Variants in NR2C2 observed in about 807,000 individuals in gnomAD.
NR2C2 encodes the protein nuclear receptor subfamily 2 group C member 2.
In NR2C2, 6 loss-of-function variants were observed where a neutral mutation model predicts 62.9. The ratio of observed to expected loss-of-function variants is 0.10; its 90% CI spans 0.05 to 0.19. The LOEUF is 0.19. NR2C2 is among the 10% of genes least tolerant of loss of function. The probability of loss-of-function intolerance (pLI) is 1.00; values close to 1 mark genes in which losing one functional copy is unlikely to be tolerated. For missense variants in NR2C2, 479 were observed against 762.7 expected, an observed-to-expected ratio of 0.63 and a Z score of 4.38; for synonymous variants, 272 against 273.8, an observed-to-expected ratio of 0.99 and a Z score of 0.07.
intron 1 of NR2C2, among the ~76,000 whole-genome samples, chr3:14,973,152 GTTCT>G (rs1371696405): frequency 1.3e-5 from 2 of 152,064 alleles, no homozygotes; most frequent in African/African-American, 2.4e-5. Context: ...TTTAATTTAT[GTTCT>G]TTCTTTTGTT....
chr3:15,006,669 G>T (rs886463628), intron 2 of NR2C2, among the ~76,000 whole-genome samples: 1 of 152,016 alleles, frequency 6.6e-6, no homozygotes, highest in African/African-American at 2.4e-5. Flanking sequence ...GGGCCTGATA[G>T]CAGTTCCCAA....
chr3:14,990,572 G>A (rs2040641246), intron 1 of NR2C2, among the ~76,000 whole-genome samples: 2 of 152,166 alleles, frequency 1.3e-5, no homozygotes, highest in South Asian at 4.1e-4. Context: ...GGGTTTGAAA[G>A]CAAATGCCTG....
chr3:14,999,629 A>G (rs907404802), intron 1 of NR2C2, among the ~76,000 whole-genome samples: 12 of 151,940 alleles, frequency 7.9e-5, no homozygotes, highest in Non-Finnish European at 1.5e-5. Flanking sequence ...TGAGAGTTTT[A>G]TAGTTTTAAC....
intron 1 of NR2C2, among the ~76,000 whole-genome samples, chr3:14,969,072 C>A (rs1293750531): frequency 1.3e-5 from 2 of 149,136 alleles, no homozygotes; most frequent in African/African-American, 5.0e-5. Flanking sequence ...ACCAGCATGG[C>A]ACATGTATAC....
intron 1 of NR2C2, among the ~76,000 whole-genome samples, chr3:14,952,359 G>C (rs138633977): frequency 6.6e-6 from 1 of 152,168 alleles, no homozygotes; most frequent in East Asian, 1.9e-4. Flanking sequence ...TCCACATATC[G>C]AGGGCCCTCC....
intron 1 of NR2C2, among the ~76,000 whole-genome samples, chr3:14,985,196 T>A (rs983977294): frequency 9.9e-5 from 15 of 152,142 alleles, no homozygotes; most frequent in Non-Finnish European, 2.1e-4. Context: ...CTGTATGAGC[T>A]ATATGGTTTG....
chr3:14,999,324 A>G (rs1023559175), intron 1 of NR2C2, among the ~76,000 whole-genome samples: 16 of 152,118 alleles, frequency 1.1e-4, no homozygotes, highest in Non-Finnish European at 2.2e-4. Flanking sequence ...CTCAAAAACA[A>G]ACAAAAAAAA....
At chr3:14,986,932 T>C (rs2040529886) in intron 1 of NR2C2, among the ~76,000 whole-genome samples, 1 of 152,218 alleles carries the variant, frequency 6.6e-6, no homozygotes, top group Non-Finnish European at 1.5e-5. Flanking sequence ...AGCTTTGTAA[T>C]TGCAGAAGCA....
In NR2C2 at chr3:15,043,183, T is replaced by C; in HGVS notation, c.*175T>C. 1 of 456,886 alleles carries C rather than the reference T, an allele frequency of 2.2e-6. No homozygotes were observed. The highest frequency in any genetic ancestry group is 3.7e-6 in the Non-Finnish European group (1 of 271,388). The allele number at this position is 456,886 out of a possible 1,614,324, so 28.3% of individuals were successfully genotyped here. On this transcript the variant is annotated 3_prime_UTR_variant, in exon 14 of 14. Transcript: ENST00000425241. ...AGCAATTAAAAGACTAGTAGGATCC[T>C]TTCCTGACATAAGAAATGTTTTAAT...
chr3:15,000,389 T>C (rs2124907318), intron 1 of NR2C2, among the ~76,000 whole-genome samples: 1 of 152,324 alleles, frequency 6.6e-6, no homozygotes, highest in African/African-American at 2.4e-5. Context: ...TGTGTGTATA[T>C]ACCACATTTT....
At chr3:14,982,916 T>C (rs1452562450) in intron 1 of NR2C2, among the ~76,000 whole-genome samples, 1 of 152,226 alleles carries the variant, frequency 6.6e-6, no homozygotes, top group African/African-American at 2.4e-5. Flanking sequence ...AAAGTTGTTA[T>C]ATTCAGCAAA....
At chr3:15,015,453 TTTAATTAATAAAG>T (rs1391622432) in intron 3 of NR2C2, among the ~76,000 whole-genome samples, 1 of 152,252 alleles carries the variant, frequency 6.6e-6, no homozygotes, top group Non-Finnish European at 1.5e-5. Context: ...GTCCTAGTTA[TTTAATTAATAAAG>T]TTTGGTTATT....
At chr3:14,950,555 A>C (rs2039324722) in intron 1 of NR2C2, among the ~76,000 whole-genome samples, 1 of 104,242 alleles carries the variant, frequency 9.6e-6, no homozygotes, top group Non-Finnish European at 1.9e-5. Context: ...CCTACCTCAG[A>C]TATTGGCTCA....
chr3:15,016,157 C>A lies in NR2C2; in HGVS notation c.279C>A (p.Val93=). 1 of 1,613,410 alleles carries A rather than the reference C, an allele frequency of 6.2e-7. No individual in the cohort carries two copies. The highest frequency in any genetic ancestry group is 8.5e-7 in the Non-Finnish European group (1 of 1,179,404). Residue 93 remains valine, a synonymous_variant, in exon 4 of 14, where the codon GTC becomes GTA. Coordinates refer to ENST00000425241, the MANE Select transcript of NR2C2 (RefSeq NM_001291694.2). ...CGTTTCCTGATTTCTCTCAGATTGT[C>A]ACGGATTCTGCCTCTGTGGAGCGTT... ...DNLVPGRIQI[V]TDSASVERLL...
At chr3:14,994,439 CTTTTT>C (rs4038325) in intron 1 of NR2C2, among the ~76,000 whole-genome samples, 1 of 89,586 alleles carries the variant, frequency 1.1e-5, no homozygotes, top group African/African-American at 4.6e-5. Context: ...TTTATTCATT[CTTTTT>C]TTTTTTTTTT....
In NR2C2 at chr3:15,048,890, G is replaced by GTGT. The variant is rs775018747; in HGVS notation, c.*5884_*5886dup. 6.6e-6 allele frequency: 1 copy of GTGT among 152,630 alleles called. No individual in the cohort carries two copies. The allele number at this position is 152,630 out of a possible 1,614,324, so 9.5% of individuals were successfully genotyped here. ...ATCTATCTATCAAAGGAAAATTTGGGTGTTAGATTTTCTTGGGACCGTTTC... is the reference window on the plus strand; with the variant it reads ...ATCTATCTATCAAAGGAAAATTTGGGTGTTGTTAGATTTTCTTGGGACCGTTTC... On this transcript the variant is annotated 3_prime_UTR_variant, in exon 14 of 14. Transcript: ENST00000425241.
chr3:15,024,612 T>G (rs967970850), intron 7 of NR2C2, among the ~76,000 whole-genome samples: 2 of 152,236 alleles, frequency 1.3e-5, no homozygotes, highest in Non-Finnish European at 2.9e-5. Flanking sequence ...CAGCCAGGAA[T>G]CTATCAGTTC....
intron 7 of NR2C2, among the ~76,000 whole-genome samples, chr3:15,024,780 T>C (rs2041776504): frequency 6.6e-6 from 1 of 152,208 alleles, no homozygotes; most frequent in South Asian, 2.1e-4. Context: ...ATCCTGGTGC[T>C]CCTGATGTAA....
At position 15,047,838 on chromosome 3, in the gene NR2C2, A is replaced by ATAAG. The variant is rs1298110219; in HGVS notation, c.*4832_*4835dup. 1 of 152,182 alleles carries ATAAG rather than the reference A, an allele frequency of 6.6e-6. No individual in the cohort carries two copies. The highest frequency in any genetic ancestry group is 2.4e-5 in the African/African-American group (1 of 41,452). The allele number at this position is 152,182 out of a possible 1,614,324, so 9.4% of individuals were successfully genotyped here. A position where few individuals can be genotyped will look rare whatever the true frequency, so the allele number is the denominator to read the frequency against. ...ATGTAAATGACTTTAACTCCTTTCT[A>ATAAG]TAAGTTATGATTTTAAATTTTCAGA... On this transcript the variant is annotated 3_prime_UTR_variant, in exon 14 of 14. Coordinates refer to ENST00000425241, the MANE Select transcript of NR2C2 (RefSeq NM_001291694.2).
Sources: gnomAD v4.1 joint callset for allele counts (sites outside exome capture counted in the v4.1 genomes callset) on GRCh38, gnomAD v4.1.1 for gene constraint, MANE v1.5 for transcripts, NCBI Gene and HGNC (gene_info 2026-07-23, HGNC 2026-07-21) for gene names.